CTNNA3: variants seen among roughly 807,000 people sequenced by gnomAD.
The protein encoded by CTNNA3 is catenin alpha-3.
A neutral mutation model predicts 95.7 loss-of-function variants in CTNNA3; 76 were observed. That is an observed-to-expected ratio of 0.79 (90% CI 0.66 to 0.96). CTNNA3 has a LOEUF of 0.96. Ranked by LOEUF, CTNNA3 falls within the 40% of genes least tolerant of loss-of-function variation. The pLI, the probability that CTNNA3 is intolerant of heterozygous loss-of-function variation, is 0.00. For synonymous variants in CTNNA3, 431 were observed against 374.4 expected, an observed-to-expected ratio of 1.15 and a Z score of -1.74; for missense variants, 1,191 against 1,089.8, an observed-to-expected ratio of 1.09 and a Z score of -1.31.
At chr10:66,697,237 A>G (rs1330360655) in intron 9 of CTNNA3, among the ~76,000 whole-genome samples, 6 of 149,462 alleles carry the variant, frequency 4.0e-5, no homozygotes, top group Non-Finnish European at 7.4e-5. Context: ...TTATGTGTGT[A>G]TATATATCAG....
chr10:66,351,527 A>T (rs1192025670), intron 12 of CTNNA3, among the ~76,000 whole-genome samples: 1 of 152,090 alleles, frequency 6.6e-6, no homozygotes, highest in Non-Finnish European at 1.5e-5. Flanking sequence ...TAACAATATG[A>T]TTGCTTAATG....
rs1166603852 is a variant in CTNNA3, at chr10:67,455,132, T to G, written c.579+66710A>C. Among the ~76,000 whole-genome samples, 124 of 152,194 alleles carry G rather than the reference T, an allele frequency of 8.1e-4. 4 individuals are homozygous for G. Among genetic ancestry groups the G allele is most frequent in the Admixed American group, 8.1e-3 (124 of 15,264 alleles). The stretch of plus-strand genomic sequence containing the variant: ...GATGATTCGATTGTACTTTCTATTA[T>G]ACTGCATGGCATCAATTTTAACATG... On this transcript the variant is annotated intron_variant, in intron 5 of 17. Coordinates refer to ENST00000433211, the MANE Select transcript of CTNNA3 (RefSeq NM_013266.4).
chr10:67,451,287 T>C (rs12775156), intron 5 of CTNNA3, among the ~76,000 whole-genome samples: 1 of 152,046 alleles, frequency 6.6e-6, no homozygotes, highest in Non-Finnish European at 1.5e-5. Context: ...CTTTATAAAT[T>C]ACGCAGTCTG....
chr10:66,420,515 T>C (rs1181382463), intron 11 of CTNNA3, among the ~76,000 whole-genome samples: 1 of 149,280 alleles, frequency 6.7e-6, no homozygotes. Flanking sequence ...AAAAACAATA[T>C]GGAGGCCGGG....
intron 9 of CTNNA3, among the ~76,000 whole-genome samples, chr10:66,672,763 C>T (rs1846710708): frequency 6.6e-6 from 1 of 151,940 alleles, no homozygotes; most frequent in African/African-American, 2.4e-5. Context: ...ATACCAAGTG[C>T]TGTATAATCA....
At chr10:66,759,504 T>C (rs570306213) in intron 9 of CTNNA3, among the ~76,000 whole-genome samples, 1 of 152,330 alleles carries the variant, frequency 6.6e-6, no homozygotes, top group East Asian at 1.9e-4. Flanking sequence ...ATTCAACATT[T>C]ATTGAACACT....
At chr10:66,216,629 C>T (rs2088558071) in intron 13 of CTNNA3, among the ~76,000 whole-genome samples, 1 of 152,196 alleles carries the variant, frequency 6.6e-6, no homozygotes, top group Admixed American at 6.5e-5. Context: ...CACAGCTACA[C>T]AGTTAATAGG....
At chr10:66,756,598 T>C (rs1182904109) in intron 9 of CTNNA3, among the ~76,000 whole-genome samples, 2 of 152,028 alleles carry the variant, frequency 1.3e-5, no homozygotes, top group African/African-American at 4.8e-5. Flanking sequence ...TCCCCCTTCC[T>C]CTCTCCTGAC....
chr10:67,517,095 C>T (rs1332432043), intron 5 of CTNNA3, among the ~76,000 whole-genome samples: 1 of 152,072 alleles, frequency 6.6e-6, no homozygotes, highest in Non-Finnish European at 1.5e-5. Context: ...ATACTGATTC[C>T]ATTTTCTTTG....
At chr10:66,928,532 G>A (rs1847201625) in intron 7 of CTNNA3, 4 of 1,310,948 alleles carry the variant, frequency 3.1e-6, no homozygotes, top group South Asian at 1.5e-5. Context: ...GACTATCAAG[G>A]GAACGCGATG....
chr10:67,434,703 T>G (rs1846238628), intron 5 of CTNNA3, among the ~76,000 whole-genome samples: 1 of 151,910 alleles, frequency 6.6e-6, no homozygotes, highest in South Asian at 2.1e-4. Context: ...CCAAGCGACA[T>G]CATGGAAATT....
intron 7 of CTNNA3, among the ~76,000 whole-genome samples, chr10:67,139,296 CT>C: frequency 8.1e-6 from 1 of 123,732 alleles, no homozygotes; most frequent in South Asian, 2.8e-4. Flanking sequence ...CCACGCCCGG[CT>C]AATTTTTTTT....
At chr10:67,621,874 CA>C (rs1843859180) in intron 2 of CTNNA3, among the ~76,000 whole-genome samples, 1 of 152,038 alleles carries the variant, frequency 6.6e-6, no homozygotes, top group Non-Finnish European at 1.5e-5. Flanking sequence ...TGGTAAATAA[CA>C]AAATTTTACT....
intron 11 of CTNNA3, among the ~76,000 whole-genome samples, chr10:66,406,020 A>G (rs1012563413): frequency 6.6e-6 from 1 of 152,200 alleles, no homozygotes; most frequent in Non-Finnish European, 1.5e-5. Flanking sequence ...GGAAAGAGAG[A>G]GGCAAAAATG....
chr10:67,580,410 G>C (rs1842344300), intron 3 of CTNNA3, among the ~76,000 whole-genome samples: 1 of 151,492 alleles, frequency 6.6e-6, no homozygotes, highest in South Asian at 2.1e-4. Flanking sequence ...CTGTTTCATT[G>C]GTTGATATCC....
chr10:67,079,936 T>C (rs550139474), intron 7 of CTNNA3, among the ~76,000 whole-genome samples: 1 of 150,384 alleles, frequency 6.6e-6, no homozygotes, highest in African/African-American at 2.5e-5. Flanking sequence ...CACAGCAGCA[T>C]GTAAGAAGTG....
At position 65,919,008 on chromosome 10, in the gene CTNNA3, C is replaced by T. The variant is rs548609584; in HGVS notation, c.*1322G>A. On this transcript the variant is annotated 3_prime_UTR_variant, in exon 18 of 18. Transcript: ENST00000433211. ...AGAAGTAAAAAGGTACAATATAATA[C>T]TATTATGATAATGTAGAATAGAAAA... 1 of 151,564 alleles carries T rather than the reference C, an allele frequency of 6.6e-6. No individual in the cohort carries two copies. Among genetic ancestry groups the T allele is most frequent in the Non-Finnish European group, 1.5e-5 (1 of 67,768 alleles). The allele number at this position is 151,564 out of a possible 1,614,324, so 9.4% of individuals were successfully genotyped here. A position where few individuals can be genotyped will look rare whatever the true frequency, so the allele number is the denominator to read the frequency against.
chr10:66,692,933 G>C (rs915629486), intron 9 of CTNNA3, among the ~76,000 whole-genome samples: 1 of 152,090 alleles, frequency 6.6e-6, no homozygotes, highest in African/African-American at 2.4e-5. Flanking sequence ...GTCACCACCA[G>C]GCCTGCCCTA....
chr10:66,965,130 T>G (rs182486225), intron 7 of CTNNA3, among the ~76,000 whole-genome samples: 14 of 152,248 alleles, frequency 9.2e-5, no homozygotes, highest in African/African-American at 3.4e-4. Flanking sequence ...CTTTGTCCCA[T>G]GCCAAAAAGA....
Sources: allele counts gnomAD v4.1 joint callset (sites outside exome capture counted in the v4.1 genomes callset), GRCh38; gene constraint gnomAD v4.1.1; transcripts MANE v1.5; gene names NCBI Gene and HGNC (gene_info 2026-07-23, HGNC 2026-07-21).